The following ADAM11 variants were observed in gnomAD, a reference collection of about 807,000 sequenced individuals.
ADAM11 encodes ADAM metallopeptidase domain 11.
A neutral mutation model predicts 119.1 loss-of-function variants in ADAM11; 49 were observed. The ratio of observed to expected loss-of-function variants is 0.41; its 90% CI spans 0.33 to 0.52. ADAM11 has a LOEUF of 0.52. Ranked by LOEUF, ADAM11 falls within the 20% of genes least tolerant of loss-of-function variation. ADAM11 has a pLI of 0.20. For missense variants in ADAM11, 777 were observed against 1,047.5 expected, an observed-to-expected ratio of 0.74 and a Z score of 3.56; for synonymous variants, 364 against 408.0, an observed-to-expected ratio of 0.89 and a Z score of 1.30.
chr17:44,780,493 T>C lies in ADAM11; in HGVS notation c.*739T>C. The C allele has an allele frequency of 3.9e-6, 1 of 258,274 alleles. No individual in the cohort carries two copies. The highest frequency in any genetic ancestry group is 3.8e-5 in the South Asian group (1 of 26,300). The allele number at this position is 258,274 out of a possible 1,614,324, so 16.0% of individuals were successfully genotyped here. On this transcript the variant is annotated 3_prime_UTR_variant, in exon 27 of 27. Coordinates refer to ENST00000200557, the MANE Select transcript of ADAM11 (RefSeq NM_002390.6). ...GGGTACGGCAACCACATGTCCCAGA[T>C]CGTCTCCAATTCGAAAACAACCGTC...
At chr17:44,762,025 T>C (rs570038392) in intron 2 of ADAM11, among the ~76,000 whole-genome samples, 1 of 152,256 alleles carries the variant, frequency 6.6e-6, no homozygotes, top group African/African-American at 2.4e-5. Context: ...GGTTTCTCCA[T>C]GTTGCTCAGG....
At chr17:44,771,180 G>A (rs562811933) in intron 4 of ADAM11, among the ~76,000 whole-genome samples, 1 of 151,930 alleles carries the variant, frequency 6.6e-6, no homozygotes, top group Non-Finnish European at 1.5e-5. Context: ...TGTAATCCCA[G>A]CTACTCGGGA....
intron 25 of ADAM11, among the ~76,000 whole-genome samples, chr17:44,778,710 AAAAG>A (rs1343142457): frequency 4.1e-4 from 60 of 147,656 alleles, no homozygotes; most frequent in Non-Finnish European, 6.0e-4. Context: ...AAAAAAAAAA[AAAAG>A]AAAGAAAGAG....
chr17:44,777,149 G>A lies in ADAM11; in HGVS notation c.1682-17G>A, dbSNP rs767512829. ...GTCCTGGGGCGCGTGGGGTCACTTGGCATCCTCTCCCCACAGCGGCTGCTG... is the reference window on the plus strand; with the variant it reads ...GTCCTGGGGCGCGTGGGGTCACTTGACATCCTCTCCCCACAGCGGCTGCTG... On this transcript the variant is annotated splice_polypyrimidine_tract_variant and intron_variant, in intron 20 of 26. Coordinates refer to ENST00000200557, the MANE Select transcript of ADAM11 (RefSeq NM_002390.6). The surrounding 1 kb of genome is among the most constrained non-coding windows in gnomAD (Gnocchi z 5.1). 3 of 1,585,740 alleles carry A rather than the reference G, an allele frequency of 1.9e-6. No homozygotes were observed. The highest frequency in any genetic ancestry group is 2.7e-5 in the African/African-American group (2 of 74,406).
chr17:44,775,408 A>C lies in ADAM11; in HGVS notation c.1335A>C (p.Pro445=), dbSNP rs774879477. ...FNKPLKLLDP[P]ECGNGFVEAG... ...TCCCGGTCCAGCTCCTGGACCCCCC[A>C]GAGTGCGGGAACGGCTTCGTGGAGG... The change falls in exon 16 of 27, where the codon CCA becomes CCC. Residue 445 remains proline (P), a synonymous_variant. Transcript: ENST00000200557. This position sits in a 1 kb window ranked among gnomAD's most constrained non-coding sequence, Gnocchi z 7.5. 6.5e-5 allele frequency: 105 copies of C among 1,611,852 alleles called. No homozygotes were observed. The highest frequency in any genetic ancestry group is 7.5e-5 in the Non-Finnish European group (89 of 1,179,744).
chr17:44,779,617 C>T, intron 26 of ADAM11, 122 bp from the exon 27 acceptor site: 1 of 1,493,350 alleles, frequency 6.7e-7, no homozygotes, highest in South Asian at 1.4e-5. Flanking sequence ...GATCCCTTCC[C>T]TGGCCAGCCT....
intron 6 of ADAM11, among the ~76,000 whole-genome samples, 165 bp downstream of exon 6, chr17:44,771,996 G>C (rs757785288): frequency 1.3e-5 from 2 of 151,920 alleles, no homozygotes; most frequent in Non-Finnish European, 2.9e-5. Flanking sequence ...CTGTGCCCCA[G>C]CTCCCCCTGT....
Position 44,775,324 on chromosome 17 carries a change from C to T in ADAM11, c.1320+13C>T, listed in dbSNP as rs1032188996. 1.9e-6 allele frequency: 3 copies of T among 1,613,516 alleles called. No homozygotes were observed. Among genetic ancestry groups the T allele is most frequent in the African/African-American group, 2.7e-5 (2 of 74,942 alleles). ...CAAGCCCCTCAAGGTACCAGCCCCG[C>T]GGCGGGGAGCATGGGAGCGGGCCCT... On this transcript the variant is annotated intron_variant, in intron 15 of 26. Coordinates refer to ENST00000200557, the MANE Select transcript of ADAM11 (RefSeq NM_002390.6). The surrounding 1 kb of genome is among the most constrained non-coding windows in gnomAD (Gnocchi z 7.5).
rs533941724 is a variant in ADAM11, at chr17:44,772,385, G to T, written c.611-14G>T. The T allele has an allele frequency of 3.4e-5, 53 of 1,579,348 alleles. No individual in the cohort carries two copies. Among genetic ancestry groups the T allele is most frequent in the Non-Finnish European group, 4.1e-5 (48 of 1,161,622 alleles). On this transcript the variant is annotated splice_polypyrimidine_tract_variant and intron_variant, in intron 7 of 26. Transcript: ENST00000200557. This position sits in a 1 kb window ranked among gnomAD's most constrained non-coding sequence, Gnocchi z 4.5. ...GGGGCCGGCTGTGCCCCCCTCACCTGCCCCTCCCCACAGGCTGCCTGTTTG... is the reference window on the plus strand; with the variant it reads ...GGGGCCGGCTGTGCCCCCCTCACCTTCCCCTCCCCACAGGCTGCCTGTTTG...
At position 44,770,039 on chromosome 17, in the gene ADAM11, G is replaced by A; in HGVS notation, c.372G>A (p.Gln124=). 2.5e-6 allele frequency: 4 copies of A among 1,614,036 alleles called. No individual in the cohort carries two copies. Among genetic ancestry groups the A allele is most frequent in the Non-Finnish European group, 3.4e-6 (4 of 1,180,006 alleles). The part of the protein sequence containing the change: ...ERHFSREGTT[Q]HSTGAGDHCY... ...ACTTCAGCCGGGAGGGGACAACCCA[G>A]CACAGCACCGTGAGTGCCACTGCAG... The change falls in exon 4 of 27, where the codon CAG becomes CAA. Residue 124 remains glutamine, a synonymous_variant. Coordinates refer to ENST00000200557, the MANE Select transcript of ADAM11 (RefSeq NM_002390.6).
Position 44,776,709 on chromosome 17 carries a change from G to T in ADAM11, c.1567-36G>T. On this transcript the variant is annotated intron_variant, in intron 18 of 26. Transcript: ENST00000200557. The surrounding 1 kb of genome is among the most constrained non-coding windows in gnomAD (Gnocchi z 5.2). ...GGGGCAGCCCTCAGCTCCAGTCCTG[G>T]GACTGCTCCGCTCAACCCCACCCCT... 1.2e-6 allele frequency: 2 copies of T among 1,612,356 alleles called. No homozygotes were observed. The highest frequency in any genetic ancestry group is 1.7e-6 in the Non-Finnish European group (2 of 1,179,242).
chr17:44,765,547 T>C (rs1207269481), intron 2 of ADAM11, among the ~76,000 whole-genome samples: 1 of 151,378 alleles, frequency 6.6e-6, no homozygotes, highest in Non-Finnish European at 1.5e-5. Context: ...ACCCTTATGA[T>C]ACCACATTTA....
intron 2 of ADAM11, among the ~76,000 whole-genome samples, chr17:44,767,926 A>C (rs1386408934): frequency 2.4e-4 from 37 of 152,220 alleles, no homozygotes; most frequent in Admixed American, 2.4e-3. Context: ...TGTTGGTGCC[A>C]GGGCAGACTC....
At position 44,775,669 on chromosome 17, in the gene ADAM11, G is replaced by T. The variant is rs761346113; in HGVS notation, c.1478G>T (p.Arg493Leu). 2 of 1,584,250 alleles carry T rather than the reference G, an allele frequency of 1.3e-6. No individual in the cohort carries two copies. Among genetic ancestry groups the T allele is most frequent in the Non-Finnish European group, 1.7e-6 (2 of 1,167,172 alleles). ...TGCAGCGACGGGCTCTGCTGTCGCC[G>T]CTGCAAGGTAAGCAGGACCGGCCGG... ...AMCSDGLCCR[R>L]CKYEPRGVSC... Residue 493 changes from arginine (R) to leucine (L), a missense_variant, in exon 17 of 27, where the codon CGC (arginine) becomes CTC (leucine). Coordinates refer to ENST00000200557, the MANE Select transcript of ADAM11 (RefSeq NM_002390.6). The surrounding 1 kb of genome is among the most constrained non-coding windows in gnomAD (Gnocchi z 7.5).
intron 4 of ADAM11, among the ~76,000 whole-genome samples, chr17:44,771,195 G>A (rs1449135579): frequency 1.3e-5 from 2 of 151,878 alleles, no homozygotes; most frequent in Non-Finnish European, 2.9e-5. Context: ...TCGGGAGGCT[G>A]AGGCTAAGGC....
chr17:44,772,505 C>T lies in ADAM11; in HGVS notation c.678+39C>T, dbSNP rs770053383. On this transcript the variant is annotated intron_variant, in intron 8 of 26. Coordinates refer to ENST00000200557, the MANE Select transcript of ADAM11 (RefSeq NM_002390.6). This position sits in a 1 kb window ranked among gnomAD's most constrained non-coding sequence, Gnocchi z 4.5. ...CACAGACCTCGGGCTGCAGAGACCTCGGGCTGCAGAGAGACCTCAGGCCGT... is the reference window on the plus strand; with the variant it reads ...CACAGACCTCGGGCTGCAGAGACCTTGGGCTGCAGAGAGACCTCAGGCCGT... 2.5e-5 allele frequency: 38 copies of T among 1,549,132 alleles called. No individual in the cohort carries two copies. The highest frequency in any genetic ancestry group is 3.6e-5 in the South Asian group (3 of 84,184).
intron 24 of ADAM11, 22 bp from the exon 25 acceptor site, chr17:44,778,130 T>C: frequency 1.2e-6 from 2 of 1,612,872 alleles, no homozygotes. Flanking sequence ...CCTTGCCAGC[T>C]AAGCCCTGCC....
rs776218152 is a variant in ADAM11, at chr17:44,779,811, G to A, written c.*57G>A. The A allele has an allele frequency of 3.3e-5, 53 of 1,603,002 alleles. 2 individuals are homozygous for A. The South Asian group carries it at 5.4e-4, about 16-fold the overall frequency. Reference sequence around the variant, plus strand: ...CACCGTCTCGGCCCTGAACCACGAGGCTGCCCCCATCCAGCCACGGAGGGA... The same window carrying A: ...CACCGTCTCGGCCCTGAACCACGAGACTGCCCCCATCCAGCCACGGAGGGA... On this transcript the variant is annotated 3_prime_UTR_variant, in exon 27 of 27. Coordinates refer to ENST00000200557, the MANE Select transcript of ADAM11 (RefSeq NM_002390.6).
chr17:44,776,316 G>A lies in ADAM11; in HGVS notation c.1566+109G>A, dbSNP rs979123750. On this transcript the variant is annotated intron_variant, in intron 18 of 26. Transcript: ENST00000200557. This position sits in a 1 kb window ranked among gnomAD's most constrained non-coding sequence, Gnocchi z 5.2. ...AGCACTCCCCTCCTCTCCACAGCTGGCATCGACCTCCACTGATCAGACTGT... is the reference window on the plus strand; with the variant it reads ...AGCACTCCCCTCCTCTCCACAGCTGACATCGACCTCCACTGATCAGACTGT... 5.0e-6 allele frequency: 6 copies of A among 1,195,812 alleles called. No individual in the cohort carries two copies. The highest frequency in any genetic ancestry group is 7.3e-6 in the Non-Finnish European group (6 of 820,806). The allele number at this position is 1,195,812 out of a possible 1,614,324, so 74.1% of individuals were successfully genotyped here.
Sources: allele counts gnomAD v4.1 joint callset (sites outside exome capture counted in the v4.1 genomes callset), GRCh38; gene constraint gnomAD v4.1.1; non-coding constraint Gnocchi (gnomAD v3.1); transcripts MANE v1.5; gene names NCBI Gene and HGNC (gene_info 2026-07-23, HGNC 2026-07-21).